WIZ: variants seen among roughly 807,000 people sequenced by gnomAD.
WIZ encodes the protein WIZ zinc finger, also known as protein Wiz.
A neutral mutation model predicts 140.2 loss-of-function variants in WIZ; 25 were observed. The ratio of observed to expected loss-of-function variants is 0.18; its 90% CI spans 0.13 to 0.25. WIZ has a LOEUF of 0.25. Among genes scored for constraint, WIZ ranks in the 10% least tolerant of loss-of-function variants. The pLI, the probability that WIZ is intolerant of heterozygous loss-of-function variation, is 1.00. For missense variants in WIZ, 2,231 were observed against 2,632.6 expected, an observed-to-expected ratio of 0.85 and a Z score of 3.34; for synonymous variants, 1,125 against 1,154.3, an observed-to-expected ratio of 0.97 and a Z score of 0.51.
rs765008015 is a variant in WIZ, at chr19:15,427,450, C to T, written c.3898G>A (p.Ala1300Thr). Residue 1300 changes from alanine (A) to threonine (T), a missense_variant, in exon 9 of 13, where the codon GCG (alanine) becomes ACG (threonine). Ala to Thr is a moderately conservative substitution (Grantham distance 58, BLOSUM62 0). Coordinates refer to ENST00000673675, the MANE Select transcript of WIZ (RefSeq NM_001371589.1). The surrounding 1 kb of genome is among the most constrained non-coding windows in gnomAD (Gnocchi z 6.4). ...CCCATTTGCCGCAGATGGGAGCGCGCGTGGCTCGAGAGGCCCTTGCGGTTC... is the reference window on the plus strand; with the variant it reads ...CCCATTTGCCGCAGATGGGAGCGCGTGTGGCTCGAGAGGCCCTTGCGGTTC... Reference protein sequence around the residue: ...FENRKGLSSHARSHLRQMGVT... With the variant: ...FENRKGLSSHTRSHLRQMGVT... The T allele has an allele frequency of 5.6e-6, 9 of 1,613,502 alleles. No individual in the cohort carries two copies. The highest frequency in any genetic ancestry group is 4.0e-5 in the African/African-American group (3 of 74,922).
At position 15,439,212 on chromosome 19, in the gene WIZ, G is replaced by A. The variant is rs906357598; in HGVS notation, c.1782C>T (p.Leu594=). The A allele has an allele frequency of 5.2e-6, 8 of 1,535,682 alleles. No individual in the cohort carries two copies. Among genetic ancestry groups the A allele is most frequent in the East Asian group, 4.9e-5 (2 of 40,910 alleles). ...GGTGGACGGTGCTTTTGTTTCTCCC[G>A]AGCTGTAAGGAGTAGGGGGTGGATG... ...TLASTPYSLQ[L]GRNKSTVHPQ... is the part of the protein sequence containing the mutation. Residue 594 remains leucine (L), a synonymous_variant, in exon 4 of 13, where the codon CTC becomes CTT. Coordinates refer to ENST00000673675, the MANE Select transcript of WIZ (RefSeq NM_001371589.1). This position sits in a 1 kb window ranked among gnomAD's most constrained non-coding sequence, Gnocchi z 7.0.
Position 15,425,463 on chromosome 19 carries a change from G to A in WIZ, c.4672C>T (p.Pro1558Ser). The change falls in exon 10 of 13, where the codon CCA becomes TCA. Residue 1558 changes from proline to serine, a missense_variant. Pro to Ser is a moderately conservative substitution (Grantham distance 74). This residue lies in a region of WIZ where 393 missense variants were observed against 451.7 expected (regional missense o/e 0.87). Transcript: ENST00000673675. ...PLPLSPLAGR[P>S]GKPGAGPAQV... ...GCCGGCCCTGCACCTGGTTTGCCTGGCCGGCCAGCCAGGGGCGACAGCGGC... is the reference window on the plus strand; with the variant it reads ...GCCGGCCCTGCACCTGGTTTGCCTGACCGGCCAGCCAGGGGCGACAGCGGC... 6.3e-7 allele frequency: 1 copy of A among 1,591,310 alleles called. No homozygotes were observed. The highest frequency in any genetic ancestry group is 8.6e-7 in the Non-Finnish European group (1 of 1,168,730).
Position 15,439,687 on chromosome 19 carries a change from A to G in WIZ, c.1307T>C (p.Phe436Ser). Residue 436 changes from phenylalanine (F) to serine (S), a missense_variant, in exon 4 of 13, where the codon TTT (phenylalanine) becomes TCT (serine). Coordinates refer to ENST00000673675, the MANE Select transcript of WIZ (RefSeq NM_001371589.1). The surrounding 1 kb of genome is among the most constrained non-coding windows in gnomAD (Gnocchi z 7.0). ...GCTGCCAGCCCCGCTGCTGCCTCCA[A>G]AAGGCTCTTTGGTGGTCTGGCCTGG... ...EPPGQTTKEP[F>S]GGSSGAGSPS... 1.3e-6 allele frequency: 2 copies of G among 1,501,212 alleles called. No individual in the cohort carries two copies. The highest frequency in any genetic ancestry group is 1.7e-4 in the Middle Eastern group (1 of 5,754). 93.0% of individuals were successfully genotyped at this position (1,501,212 alleles called of 1,614,324 possible). A position where few individuals can be genotyped will look rare whatever the true frequency, so the allele number is the denominator to read the frequency against.
chr19:15,424,130 G>T lies in WIZ; in HGVS notation c.5510+53C>A. 7.0e-7 allele frequency: 1 copy of T among 1,423,504 alleles called. No homozygotes were observed. The highest frequency in any genetic ancestry group is 2.7e-5 in the East Asian group (1 of 36,538). 88.2% of individuals were successfully genotyped at this position (1,423,504 alleles called of 1,614,324 possible). On this transcript the variant is annotated intron_variant, in intron 12 of 12. Transcript: ENST00000673675. The surrounding 1 kb of genome is among the most constrained non-coding windows in gnomAD (Gnocchi z 9.7). ...AACCCTATCCTGTTCCAAGGCTCCGGGTGACCAAGGTCCACTCAGGTGGTC... is the reference window on the plus strand; with the variant it reads ...AACCCTATCCTGTTCCAAGGCTCCGTGTGACCAAGGTCCACTCAGGTGGTC...
In WIZ at chr19:15,431,002, G is replaced by T; in HGVS notation, c.2911+10C>A. On this transcript the variant is annotated intron_variant, in intron 6 of 12. Transcript: ENST00000673675. ...CCAGCATCCCCTGCCATGCCACCTG[G>T]GCCACTCACCCTTGAGGTCCTGCAG... 1.3e-6 allele frequency: 2 copies of T among 1,520,284 alleles called. No individual in the cohort carries two copies. Among genetic ancestry groups the T allele is most frequent in the South Asian group, 2.4e-5 (2 of 82,458 alleles). The allele number at this position is 1,520,284 out of a possible 1,614,324, so 94.2% of individuals were successfully genotyped here. A position where few individuals can be genotyped will look rare whatever the true frequency, so the allele number is the denominator to read the frequency against.
chr19:15,425,288 T>C lies in WIZ; in HGVS notation c.4847A>G (p.Glu1616Gly). ...EVKAKTYIQT[E>G]LPFKAKTLHE... ...AAGGGTCTTTGCCTTGAAGGGCAGTTCAGTCTGGATGTAGGTCTTGGCCTT... is the reference window on the plus strand; with the variant it reads ...AAGGGTCTTTGCCTTGAAGGGCAGTCCAGTCTGGATGTAGGTCTTGGCCTT... Residue 1616 changes from glutamate to glycine, a missense_variant, in exon 10 of 13, where the codon GAA (glutamate) becomes GGA (glycine). By Grantham distance (98) the Glu-to-Gly change is moderately conservative. Around this residue, in one of 15 missense-constraint regions of WIZ, gnomAD observed 393 missense variants for 451.7 expected, o/e 0.87. Coordinates refer to ENST00000673675, the MANE Select transcript of WIZ (RefSeq NM_001371589.1). 6.3e-7 allele frequency: 1 copy of C among 1,591,928 alleles called. No individual in the cohort carries two copies. The highest frequency in any genetic ancestry group is 8.5e-7 in the Non-Finnish European group (1 of 1,169,896).
chr19:15,435,678 C>G (rs1015842318), intron 5 of WIZ, among the ~76,000 whole-genome samples: 7 of 150,938 alleles, frequency 4.6e-5, no homozygotes, highest in African/African-American at 1.5e-4. Context: ...ACTAAAAATA[C>G]AAAAATTAGC....
rs914963099 is a variant in WIZ at position 15,440,101 on chromosome 19, G to A, written c.893C>T (p.Ala298Val). The change falls in exon 4 of 13, where the codon GCC becomes GTC. Residue 298 changes from alanine (A) to valine (V), a missense_variant. Ala to Val is a moderately conservative substitution (Grantham distance 64, BLOSUM62 0). Around this residue, in one of 15 missense-constraint regions of WIZ, gnomAD observed 307 missense variants for 294.1 expected, o/e 1.04. Transcript: ENST00000673675. This position sits in a 1 kb window ranked among gnomAD's most constrained non-coding sequence, Gnocchi z 6.2. ...CTCATCTGGGCTGGCCACCCCTTCG[G>A]CCACCTCCTCCAGCAGCTCACACAG... ...PYLCELLEEV[A>V]EGVASPDEDE... is the part of the protein sequence containing the mutation. The A allele has an allele frequency of 3.3e-6, 5 of 1,534,418 alleles. No homozygotes were observed. Among genetic ancestry groups the A allele is most frequent in the Non-Finnish European group, 4.4e-6 (5 of 1,145,940 alleles).
intron 9 of WIZ, among the ~76,000 whole-genome samples, chr19:15,426,403 G>C (rs1309613730): frequency 6.6e-6 from 1 of 152,162 alleles, no homozygotes; most frequent in Non-Finnish European, 1.5e-5. Flanking sequence ...ATGGCATACA[G>C]AGTTTTCTGT....
At chr19:15,433,453 G>A (rs1243417041) in intron 5 of WIZ, 11 of 640,434 alleles carry the variant, frequency 1.7e-5, no homozygotes, top group South Asian at 7.0e-5. Flanking sequence ...TAGCCCTAAT[G>A]TTGCATATCC....
chr19:15,437,047 G>A lies in WIZ; in HGVS notation c.2499C>T (p.Ser833=). 1 of 1,613,640 alleles carries A rather than the reference G, an allele frequency of 6.2e-7. No homozygotes were observed. The change falls in exon 5 of 13, where the codon TCC becomes TCT. Residue 833 remains serine (S), a synonymous_variant. Coordinates refer to ENST00000673675, the MANE Select transcript of WIZ (RefSeq NM_001371589.1). The part of the protein sequence containing the change: ...GAGFDTRAGL[S]SHARAHLRDF... The stretch of plus-strand genomic sequence containing the variant: ...CACGTAGGTGGGCCCGGGCGTGGCT[G>A]GAGAGGCCGGCCCGTGTGTCGAAGC...
At position 15,425,251 on chromosome 19, in the gene WIZ, G is replaced by A; in HGVS notation, c.4884C>T (p.Thr1628=). 1 of 1,582,070 alleles carries A rather than the reference G, an allele frequency of 6.3e-7. No homozygotes were observed. Among genetic ancestry groups the A allele is most frequent in the Non-Finnish European group, 8.6e-7 (1 of 1,165,206 alleles). ...PFKAKTLHEK[T]SHSSTEACCE... is the part of the protein sequence containing the mutation. ...CCGCCCGCTGCTTACAGGAGTGGGA[G>A]GTCTTCTCATGAAGGGTCTTTGCCT... Residue 1628 remains threonine (T), a synonymous_variant, in exon 10 of 13, where the codon ACC becomes ACT. Coordinates refer to ENST00000673675, the MANE Select transcript of WIZ (RefSeq NM_001371589.1).
chr19:15,425,108 G>C, intron 10 of WIZ, 76 bp from the exon 11 acceptor site: 1 of 1,507,844 alleles, frequency 6.6e-7, no homozygotes, highest in South Asian at 1.3e-5. Flanking sequence ...GCCCAGGCCA[G>C]GTGCCAATCC....
rs915712349 is a variant in WIZ, at chr19:15,427,790, G to A, written c.3815-257C>T. On this transcript the variant is annotated intron_variant, in intron 8 of 12. Transcript: ENST00000673675. The surrounding 1 kb of genome is among the most constrained non-coding windows in gnomAD (Gnocchi z 6.4). ...GGAACCAAGATTCCATTGCTCTGTGGGTCCCAACAAGGACAGGGTGAGGCA... is the reference window on the plus strand; with the variant it reads ...GGAACCAAGATTCCATTGCTCTGTGAGTCCCAACAAGGACAGGGTGAGGCA... Among the ~76,000 whole-genome samples, 3 of 152,144 alleles carry A rather than the reference G, an allele frequency of 2.0e-5. No homozygotes were observed. The highest frequency in any genetic ancestry group is 7.2e-5 in the African/African-American group (3 of 41,430).
chr19:15,437,938 G>A (rs1024838081), intron 4 of WIZ, among the ~76,000 whole-genome samples: 3 of 152,052 alleles, frequency 2.0e-5, no homozygotes, highest in Non-Finnish European at 2.9e-5. Flanking sequence ...CTCACTCGGT[G>A]TCGTCACTGC....
In WIZ at chr19:15,424,740, G is replaced by C. The variant is rs61744909; in HGVS notation, c.5187C>G (p.Val1729=). 675 of 1,570,654 alleles carry C rather than the reference G, an allele frequency of 4.3e-4. 3 individuals carry two copies. Among genetic ancestry groups the C allele is most frequent in the Admixed American group, 2.0e-4 (11 of 55,818 alleles). The change falls in exon 11 of 13, where the codon GTC becomes GTG. Residue 1729 remains valine, a synonymous_variant. Transcript: ENST00000673675. The surrounding 1 kb of genome is among the most constrained non-coding windows in gnomAD (Gnocchi z 9.7). Reference sequence around the variant, plus strand: ...CTGGCTCCCCTCCGGCACTGCGGCCGACCACGGCCAGGCCCCCGGGTGCCA... The same window carrying C: ...CTGGCTCCCCTCCGGCACTGCGGCCCACCACGGCCAGGCCCCCGGGTGCCA... ...LGLAPGGLAV[V]GRSAGGEPGP... is the part of the protein sequence containing the mutation.
chr19:15,431,067 G>A lies in WIZ; in HGVS notation c.2856C>T (p.Ser952=). ...CATGAGGAACCTCTGCAGCCACTTT[G>A]CTGCTCAGCCGACTGGCCACCTGCT... ...ALEQVASRLS[S]KVAAEVPHGS... is the part of the protein sequence containing the mutation. The change falls in exon 6 of 13, where the codon AGC becomes AGT. Residue 952 remains serine (S), a synonymous_variant. Transcript: ENST00000673675. 1 of 1,535,936 alleles carries A rather than the reference G, an allele frequency of 6.5e-7. No homozygotes were observed. The highest frequency in any genetic ancestry group is 8.7e-7 in the Non-Finnish European group (1 of 1,146,808).
chr19:15,437,402 G>A (rs935681259), intron 4 of WIZ, among the ~76,000 whole-genome samples: 9 of 152,316 alleles, frequency 5.9e-5, no homozygotes, highest in East Asian at 1.9e-4. Flanking sequence ...GGTGGCTCAC[G>A]CCTGTAATCC....
At position 15,438,487 on chromosome 19, in the gene WIZ, C is replaced by G. The variant is rs902779309; in HGVS notation, c.2416+91G>C. 1.7e-5 allele frequency: 23 copies of G among 1,362,544 alleles called. No individual in the cohort carries two copies. The African/African-American group carries it at 3.4e-4, about 20-fold the overall frequency. 84.4% of individuals were successfully genotyped at this position (1,362,544 alleles called of 1,614,324 possible). On this transcript the variant is annotated intron_variant, in intron 4 of 12. Transcript: ENST00000673675. ...TCTCAGGAGCAGAGGCCCCAGTGTC[C>G]CCCTGCTTGGCGCTAAGGGAGAGAA... is the stretch of plus-strand genomic sequence containing the variant.
Sources: allele counts gnomAD v4.1 joint callset (sites outside exome capture counted in the v4.1 genomes callset), GRCh38; gene constraint gnomAD v4.1.1; regional missense constraint gnomAD v4.1.1; non-coding constraint Gnocchi (gnomAD v3.1); transcripts MANE v1.5; gene names NCBI Gene and HGNC (gene_info 2026-07-23, HGNC 2026-07-21).